Variants in RBFOX3 observed in about 807,000 individuals in gnomAD.
The protein encoded by RBFOX3 is RNA binding fox-1 homolog 3, also known as RNA binding protein fox-1 homolog 3.
A neutral mutation model predicts 48.7 loss-of-function variants in RBFOX3; 17 were observed. That is an observed-to-expected ratio of 0.35 (90% CI 0.24 to 0.52). The LOEUF is 0.52. Among genes scored for constraint, RBFOX3 ranks in the 20% least tolerant of loss-of-function variants. The pLI is 0.94. For synonymous variants in RBFOX3, 212 were observed against 209.5 expected, an observed-to-expected ratio of 1.01 and a Z score of -0.10; for missense variants, 382 against 497.5, an observed-to-expected ratio of 0.77 and a Z score of 2.21.
the RBFOX3 span, among the ~76,000 whole-genome samples, chr17:79,630,789 C>T: frequency 1.3e-5 from 2 of 152,184 alleles, no homozygotes; most frequent in Non-Finnish European, 2.9e-5. Flanking sequence ...CTCGTTTAAC[C>T]CTCAAAATAA....
intron 2 of RBFOX3, among the ~76,000 whole-genome samples, chr17:79,357,858 A>G (rs186283946): frequency 4.7e-4 from 71 of 150,568 alleles, no homozygotes; most frequent in African/African-American, 1.6e-3. Context: ...AATTAAGTTC[A>G]TTTTTTTAAA....
chr17:79,445,436 G>C (rs1453097737), intron 2 of RBFOX3, among the ~76,000 whole-genome samples: 2 of 152,088 alleles, frequency 1.3e-5, no homozygotes, highest in South Asian at 2.1e-4. Context: ...GAGGAGACTC[G>C]ATTCTCTAAG....
At chr17:79,615,660 G>A (rs903075742), upstream of RBFOX3, among the ~76,000 whole-genome samples, 5 of 152,242 alleles carry the variant, frequency 3.3e-5, no homozygotes, top group South Asian at 4.2e-4. Context: ...TCCTTTCCAC[G>A]CACTGCCACC....
chr17:79,305,848 A>C (rs2076019741), intron 3 of RBFOX3, among the ~76,000 whole-genome samples: 2 of 152,274 alleles, frequency 1.3e-5, no homozygotes, highest in African/African-American at 4.8e-5. Context: ...CTCCAAGGAG[A>C]GCAGAACAAC....
At chr17:79,366,594 G>A (rs62063965) in intron 2 of RBFOX3, among the ~76,000 whole-genome samples, 19,818 of 152,170 alleles carry the variant, frequency 0.13, 1,804 homozygotes, top group Non-Finnish European at 0.2. Flanking sequence ...CCAGCCCAAC[G>A]AGCAGTGCCT....
intron 1 of RBFOX3, among the ~76,000 whole-genome samples, chr17:79,553,212 T>G (rs1029641622): frequency 6.6e-6 from 1 of 152,242 alleles, no homozygotes; most frequent in Non-Finnish European, 1.5e-5. Flanking sequence ...TAATGCTTTT[T>G]CAGTGTTAAA....
the RBFOX3 span, among the ~76,000 whole-genome samples, chr17:79,654,597 T>C: frequency 6.6e-6 from 1 of 152,174 alleles, no homozygotes; most frequent in Non-Finnish European, 1.5e-5. Flanking sequence ...CCCCTCGGTG[T>C]AAGGGAAGGA....
upstream of RBFOX3, among the ~76,000 whole-genome samples, chr17:79,612,972 A>C (rs2093980342): frequency 6.6e-6 from 1 of 152,108 alleles, no homozygotes; most frequent in South Asian, 2.1e-4. Context: ...TGCCCTTTGG[A>C]GCCTCCTCGC....
At chr17:79,333,337 C>T (rs114472300) in intron 2 of RBFOX3, among the ~76,000 whole-genome samples, 1,534 of 152,294 alleles carry the variant, frequency 0.01, 33 homozygotes, top group African/African-American at 0.034. Context: ...TGGCCTCCTG[C>T]GTACTGTGCT....
At chr17:79,164,126 G>C (rs561158112) in intron 4 of RBFOX3, among the ~76,000 whole-genome samples, 1 of 152,200 alleles carries the variant, frequency 6.6e-6, no homozygotes, top group Non-Finnish European at 1.5e-5. Flanking sequence ...GGTTTGGGAT[G>C]GGGGAGGGAA....
chr17:79,097,883 T>G, intron 9 of RBFOX3, 138 bp from the exon 10 acceptor site: 1 of 812,918 alleles, frequency 1.2e-6, no homozygotes, highest in Non-Finnish European at 2.1e-6. Flanking sequence ...GGGCCCCCCT[T>G]TCCCACACTG....
At chr17:79,222,129 C>G (rs1299731705) in intron 4 of RBFOX3, among the ~76,000 whole-genome samples, 2 of 151,982 alleles carry the variant, frequency 1.3e-5, no homozygotes, top group African/African-American at 4.8e-5. Context: ...TGATTTCTAC[C>G]CGCAGCCTGA....
chr17:79,236,220 C>T (rs115816396), intron 3 of RBFOX3, among the ~76,000 whole-genome samples: 94 of 152,286 alleles, frequency 6.2e-4, no homozygotes, highest in African/African-American at 2.0e-3. Flanking sequence ...TCTGCCATGC[C>T]GTGGGGATTT....
At chr17:79,181,668 G>GA in intron 4 of RBFOX3, among the ~76,000 whole-genome samples, 1 of 129,762 alleles carries the variant, frequency 7.7e-6, no homozygotes, top group East Asian at 2.3e-4. Flanking sequence ...GCCACTGCTG[G>GA]CCACCCTCTG....
chr17:79,126,673 C>T (rs999908466), intron 4 of RBFOX3, among the ~76,000 whole-genome samples: 1 of 152,202 alleles, frequency 6.6e-6, no homozygotes, highest in African/African-American at 2.4e-5. Context: ...CAATTGAGCA[C>T]CCTGAACACT....
intron 3 of RBFOX3, among the ~76,000 whole-genome samples, chr17:79,297,291 C>A (rs2074545207): frequency 6.6e-6 from 1 of 152,162 alleles, no homozygotes; most frequent in African/African-American, 2.4e-5. Flanking sequence ...TCCAGCCTCC[C>A]AGGCAGGCTT....
At chr17:79,665,534 G>C in the RBFOX3 span, among the ~76,000 whole-genome samples, 3 of 152,056 alleles carry the variant, frequency 2.0e-5, no homozygotes, top group Non-Finnish European at 4.4e-5. Flanking sequence ...GTGGGGCCTT[G>C]TGCCTCTGGC....
intron 4 of RBFOX3, among the ~76,000 whole-genome samples, chr17:79,166,747 C>T (rs895144341): frequency 6.6e-6 from 1 of 152,200 alleles, no homozygotes; most frequent in Non-Finnish European, 1.5e-5. Flanking sequence ...GGTCAGAGTG[C>T]GGATGCCAGG....
upstream of RBFOX3, among the ~76,000 whole-genome samples, chr17:79,611,169 T>TCTCTCTCTCG: frequency 2.9e-3 from 76 of 25,918 alleles, 9 homozygotes; most frequent in Middle Eastern, 0.042. Context: ...TCTCTCTCTC[T>TCTCTCTCTCG]CTCTCCGCCC....
Sources: allele counts gnomAD v4.1 joint callset (sites outside exome capture counted in the v4.1 genomes callset), GRCh38; gene constraint gnomAD v4.1.1; transcripts MANE v1.5; gene names NCBI Gene and HGNC (gene_info 2026-07-23, HGNC 2026-07-21).